NRG3: variants seen among roughly 807,000 people sequenced by gnomAD.
The protein encoded by NRG3 is neuregulin 3.
NRG3 carries 31 observed loss-of-function variants against 66.9 expected under a neutral mutation model. The observed-to-expected ratio is 0.46, with a 90% CI of 0.35 to 0.63. NRG3 has a LOEUF of 0.63. NRG3 is among the 20% of genes least tolerant of loss of function. The pLI is 0.00. For synonymous variants in NRG3, 393 were observed against 359.4 expected (o/e 1.09, Z -1.06); for missense variants, 910 against 878.9 (o/e 1.04, Z -0.45).
chr10:82,291,157 C>T (rs1157969613), intron 1 of NRG3, among the ~76,000 whole-genome samples: 1 of 149,400 alleles, frequency 6.7e-6, no homozygotes, highest in African/African-American at 2.4e-5. Context: ...AGATTAACAA[C>T]ACACACACAC....
intron 1 of NRG3, among the ~76,000 whole-genome samples, chr10:82,033,127 G>C (rs2062643293): frequency 6.6e-6 from 1 of 152,102 alleles, no homozygotes; most frequent in South Asian, 2.1e-4. Context: ...AACTGGCCTG[G>C]GCCATGGTGG....
At chr10:82,060,750 G>A (rs1207911580) in intron 1 of NRG3, among the ~76,000 whole-genome samples, 1 of 152,184 alleles carries the variant, frequency 6.6e-6, no homozygotes, top group South Asian at 2.1e-4. Flanking sequence ...CAGGTTGGAA[G>A]ATGCCTGTAC....
chr10:82,367,315 A>G (rs2084598650), intron 2 of NRG3, among the ~76,000 whole-genome samples: 1 of 152,184 alleles, frequency 6.6e-6, no homozygotes, highest in African/African-American at 2.4e-5. Flanking sequence ...TGCAAAACCT[A>G]AAATTACCTA....
At chr10:82,250,817 G>C (rs960718505) in intron 1 of NRG3, among the ~76,000 whole-genome samples, 1 of 152,192 alleles carries the variant, frequency 6.6e-6, no homozygotes, top group Non-Finnish European at 1.5e-5. Context: ...CTCCTTGCCT[G>C]GTGCCTGGCT....
intron 2 of NRG3, among the ~76,000 whole-genome samples, chr10:82,366,182 G>T (rs79356374): frequency 0.035 from 5,286 of 152,102 alleles, 143 homozygotes; most frequent in African/African-American, 0.078. Context: ...TGCCCCAAAA[G>T]GCCAATGAAA....
intron 3 of NRG3, among the ~76,000 whole-genome samples, chr10:82,772,753 T>C (rs944642786): frequency 6.9e-6 from 1 of 145,470 alleles, no homozygotes; most frequent in Non-Finnish European, 1.5e-5. Context: ...TCACCCAGGC[T>C]GGAATATACT....
intron 2 of NRG3, among the ~76,000 whole-genome samples, chr10:82,488,041 T>C (rs898610818): frequency 1.3e-5 from 2 of 152,196 alleles, no homozygotes; most frequent in Non-Finnish European, 2.9e-5. Flanking sequence ...AATAAGAAAA[T>C]TTAATTAAAA....
chr10:82,226,340 A>G (rs1305346362), intron 1 of NRG3, among the ~76,000 whole-genome samples: 4 of 152,142 alleles, frequency 2.6e-5, no homozygotes, highest in Non-Finnish European at 4.4e-5. Context: ...GACTCCTTAC[A>G]TTTCTGAAAC....
intron 2 of NRG3, among the ~76,000 whole-genome samples, chr10:82,622,339 C>T (rs1476034178): frequency 6.6e-6 from 1 of 151,896 alleles, no homozygotes; most frequent in Non-Finnish European, 1.5e-5. Flanking sequence ...TCATGAGGTT[C>T]TTTGGATTTG....
intron 1 of NRG3, among the ~76,000 whole-genome samples, chr10:82,299,580 TTTTG>T (rs1268323596): frequency 1.3e-5 from 2 of 152,064 alleles, no homozygotes; most frequent in Non-Finnish European, 2.9e-5. Context: ...TGTTAGTTTG[TTTTG>T]TTTTTTTGAA....
chr10:82,936,386 A>C (rs1848066592), intron 4 of NRG3, among the ~76,000 whole-genome samples: 1 of 152,170 alleles, frequency 6.6e-6, no homozygotes, highest in South Asian at 2.1e-4. Context: ...TGATATATGG[A>C]ATCTAAAAAA....
intron 2 of NRG3, among the ~76,000 whole-genome samples, chr10:82,584,075 T>G (rs1167897619): frequency 1.3e-5 from 2 of 152,164 alleles, no homozygotes; most frequent in East Asian, 3.9e-4. Context: ...TTGTTGTTGT[T>G]GATGTTTCAT....
At position 82,536,011 on chromosome 10, in the gene NRG3, C is replaced by A. The variant is rs1354355969; in HGVS notation, c.953+177143C>A. Reference sequence around the variant, plus strand: ...TGGACAATCCTTAAGCTGAGATATTCGCCAAATGGCATTATATCTGCTTTG... The same window carrying A: ...TGGACAATCCTTAAGCTGAGATATTAGCCAAATGGCATTATATCTGCTTTG... On this transcript the variant is annotated intron_variant, in intron 2 of 8. Coordinates refer to ENST00000372141, the MANE Select transcript of NRG3 (RefSeq NM_001010848.4). Among the ~76,000 whole-genome samples the A allele has an allele frequency of 2.0e-5, 3 of 149,878 alleles. No homozygotes were observed. In the Admixed American group the frequency reaches 2.0e-4, roughly 10 times the overall value.
At chr10:81,956,160 T>G (rs1013255126) in intron 1 of NRG3, among the ~76,000 whole-genome samples, 1 of 152,182 alleles carries the variant, frequency 6.6e-6, no homozygotes. Context: ...TCCCCACCAA[T>G]AGAATACAGT....
At chr10:82,517,767 G>C (rs1198552285) in intron 2 of NRG3, among the ~76,000 whole-genome samples, 1 of 151,928 alleles carries the variant, frequency 6.6e-6, no homozygotes, top group African/African-American at 2.4e-5. Flanking sequence ...CTGAGATGTA[G>C]AGGTAGCAAG....
intron 2 of NRG3, among the ~76,000 whole-genome samples, chr10:82,374,113 C>T (rs902195380): frequency 4.6e-5 from 7 of 152,052 alleles, no homozygotes; most frequent in Middle Eastern, 3.2e-3. Flanking sequence ...ATTTTTTAGA[C>T]GACAAATTTG....
At position 82,819,235 on chromosome 10, in the gene NRG3, T is replaced by A. The variant is rs567712537; in HGVS notation, c.1028-46176T>A. Among the ~76,000 whole-genome samples, 494 of 152,326 alleles carry A rather than the reference T, an allele frequency of 3.2e-3. 3 individuals carry two copies. The highest frequency in any genetic ancestry group is 4.7e-3 in the Non-Finnish European group (320 of 68,028). The stretch of plus-strand genomic sequence containing the variant: ...CTGTCTCAACTAATGAGTTTGATAT[T>A]CACAAGAACTAATTGTGAGATTTTG... On this transcript the variant is annotated intron_variant, in intron 3 of 8. Coordinates refer to ENST00000372141, the MANE Select transcript of NRG3 (RefSeq NM_001010848.4).
chr10:82,338,799 C>A (rs187860795), intron 1 of NRG3, among the ~76,000 whole-genome samples: 30 of 152,258 alleles, frequency 2.0e-4, no homozygotes, highest in Admixed American at 1.8e-3. Flanking sequence ...CATATATTCA[C>A]CTTATTCATG....
At chr10:82,212,242 A>ACCT (rs2075434343) in intron 1 of NRG3, among the ~76,000 whole-genome samples, 1 of 152,188 alleles carries the variant, frequency 6.6e-6, no homozygotes, top group South Asian at 2.1e-4. Flanking sequence ...GCAAAGAAGC[A>ACCT]CCTCGTTGTA....
Sources: allele counts gnomAD v4.1 joint callset (sites outside exome capture counted in the v4.1 genomes callset), GRCh38; gene constraint gnomAD v4.1.1; transcripts MANE v1.5; gene names NCBI Gene and HGNC (gene_info 2026-07-23, HGNC 2026-07-21).